Variants in AQR observed in about 807,000 individuals in gnomAD.
The protein encoded by AQR is RNA helicase aquarius.
Under a neutral mutation model 180.5 loss-of-function variants are expected in AQR, and 61 were observed. The observed-to-expected ratio is 0.34, with a 90% confidence interval of 0.28 to 0.42. The LOEUF is 0.42. Ranked by LOEUF, AQR falls within the 10% of genes least tolerant of loss-of-function variation. The pLI is 1.00. For missense variants in AQR, 1,281 were observed against 1,798.3 expected, an observed-to-expected ratio of 0.71 and a Z score of 5.20; for synonymous variants, 551 against 588.8, an observed-to-expected ratio of 0.94 and a Z score of 0.93.
intron 2 of AQR, among the ~76,000 whole-genome samples, chr15:34,961,923 C>T (rs1842999594): frequency 6.6e-6 from 1 of 151,706 alleles, no homozygotes; most frequent in South Asian, 2.1e-4. Context: ...TCAATAGCAG[C>T]AGTAGTAGTG....
intron 12 of AQR, among the ~76,000 whole-genome samples, chr15:34,927,614 T>C (rs968342523): frequency 6.6e-6 from 1 of 152,146 alleles, no homozygotes; most frequent in Non-Finnish European, 1.5e-5. Flanking sequence ...TCAACCAACA[T>C]AGGGTAAGCT....
chr15:34,905,959 G>C (rs1327558544), intron 18 of AQR, among the ~76,000 whole-genome samples: 3 of 152,036 alleles, frequency 2.0e-5, no homozygotes, highest in African/African-American at 7.2e-5. Flanking sequence ...GCTTGAACTT[G>C]GGAGGCAGAG....
intron 27 of AQR, among the ~76,000 whole-genome samples, chr15:34,881,512 T>A (rs751302125): frequency 5.3e-5 from 8 of 152,210 alleles, no homozygotes; most frequent in Non-Finnish European, 1.0e-4. Context: ...AAAATCTAAG[T>A]TCAGATCAGT....
intron 1 of AQR, among the ~76,000 whole-genome samples, chr15:34,964,914 T>C (rs1488659659): frequency 6.6e-6 from 1 of 152,210 alleles, no homozygotes; most frequent in Middle Eastern, 3.2e-3. Context: ...GTCTTATTCA[T>C]AGGGTTTTGT....
intron 34 of AQR, among the ~76,000 whole-genome samples, chr15:34,858,320 C>CAAA (rs57627687): frequency 1.2e-3 from 99 of 85,928 alleles, no homozygotes; most frequent in African/African-American, 2.5e-3. Flanking sequence ...ACGACAGCAG[C>CAAA]AAAAAAAAAA....
chr15:34,897,017 T>C, intron 21 of AQR, 51 bp from the exon 22 acceptor site: 1 of 1,430,678 alleles, frequency 7.0e-7, no homozygotes, highest in East Asian at 2.3e-5. Context: ...ATGCTTTGTA[T>C]AATACAAATT....
intron 32 of AQR, among the ~76,000 whole-genome samples, chr15:34,867,025 G>A (rs538498075): frequency 4.6e-5 from 7 of 152,106 alleles, no homozygotes; most frequent in South Asian, 4.2e-4. Context: ...TATTATTTCC[G>A]TAAATCTCTA....
intron 4 of AQR, among the ~76,000 whole-genome samples, chr15:34,949,748 G>C (rs1204461247): frequency 6.7e-6 from 1 of 150,106 alleles, no homozygotes; most frequent in Non-Finnish European, 1.5e-5. Context: ...CTTGAGCCCA[G>C]GAGTTTGAGA....
intron 3 of AQR, among the ~76,000 whole-genome samples, chr15:34,959,828 C>T (rs1402154269): frequency 6.6e-6 from 1 of 152,168 alleles, no homozygotes; most frequent in East Asian, 1.9e-4. Context: ...AATTAATTCC[C>T]TGCCTCTTGC....
chr15:34,905,468 C>T (rs189493628), intron 18 of AQR, among the ~76,000 whole-genome samples: 3 of 152,040 alleles, frequency 2.0e-5, no homozygotes, highest in East Asian at 3.9e-4. Context: ...TTTTTAAATG[C>T]GGTAAAGTTG....
intron 22 of AQR, among the ~76,000 whole-genome samples, chr15:34,894,745 GAGTA>G (rs1188138277): frequency 1.3e-5 from 2 of 152,092 alleles, no homozygotes; most frequent in African/African-American, 4.8e-5. Context: ...AACTTTATGG[GAGTA>G]AGTATTTGCC....
intron 15 of AQR, 64 bp from the exon 16 acceptor site, chr15:34,915,243 G>A: frequency 1.4e-6 from 2 of 1,408,684 alleles, no homozygotes; most frequent in Non-Finnish European, 1.9e-6. Context: ...GTCTCACTCT[G>A]TCACCTGCAC....
chr15:34,874,179 G>A, intron 29 of AQR, 180 bp from the exon 30 acceptor site: 1 of 530,802 alleles, frequency 1.9e-6, no homozygotes, highest in Non-Finnish European at 3.1e-6. Flanking sequence ...AGTAACCAAG[G>A]GTCAGAAGAC....
chr15:34,944,524 C>T (rs943134662), intron 5 of AQR, 96 bp from the exon 6 acceptor site: 1 of 1,251,052 alleles, frequency 8.0e-7, no homozygotes, highest in Non-Finnish European at 1.1e-6. Context: ...ATTAAAAAAA[C>T]CAAATAATTA....
intron 16 of AQR, among the ~76,000 whole-genome samples, chr15:34,913,869 G>T (rs191535548): frequency 9.2e-5 from 14 of 152,300 alleles, no homozygotes; most frequent in Admixed American, 8.5e-4. Context: ...CACAGTGTTT[G>T]CCTGCCTACT....
chr15:34,916,532 T>A (rs1420502696), intron 15 of AQR, among the ~76,000 whole-genome samples: 10 of 152,070 alleles, frequency 6.6e-5, no homozygotes, highest in Admixed American at 6.6e-4. Context: ...GTAATCTAAC[T>A]CAATTTCTTT....
chr15:34,922,565 G>T (rs1006496461), intron 13 of AQR, among the ~76,000 whole-genome samples: 30 of 151,506 alleles, frequency 2.0e-4, no homozygotes, highest in African/African-American at 6.5e-4. Flanking sequence ...TGTTTTTTTG[G>T]TTTTGTTGAG....
At chr15:34,943,100 C>A in intron 6 of AQR, 1 of 1,611,698 alleles carries the variant, frequency 6.2e-7, no homozygotes, top group Non-Finnish European at 8.5e-7. Flanking sequence ...TCCCTAAAAC[C>A]CGCCGGACTT....
At chr15:34,869,104 A>C (rs1345595509) in intron 31 of AQR, 1 of 152,128 alleles carries the variant, frequency 6.6e-6, no homozygotes, top group African/African-American at 2.4e-5. Context: ...CACATTCCCC[A>C]GCAATGTGTA....
Sources: gnomAD v4.1 joint callset for allele counts (sites outside exome capture counted in the v4.1 genomes callset) on GRCh38, gnomAD v4.1.1 for gene constraint, MANE v1.5 for transcripts, NCBI Gene and HGNC (gene_info 2026-07-23, HGNC 2026-07-21) for gene names.